The following KCNH5 variants were observed in gnomAD, a reference collection of about 807,000 sequenced individuals.
KCNH5 encodes potassium voltage-gated channel subfamily H member 5.
Under a neutral mutation model 96.1 loss-of-function variants are expected in KCNH5, and 46 were observed. That is an observed-to-expected ratio of 0.48 (90% confidence interval 0.38 to 0.61). The LOEUF (loss-of-function observed/expected upper bound fraction) is 0.61. KCNH5 is among the 20% of genes least tolerant of loss of function. KCNH5 has a pLI of 0.00. For synonymous variants in KCNH5, 439 were observed against 449.8 expected, an observed-to-expected ratio of 0.98 and a Z score of 0.30; for missense variants, 907 against 1,225.8, an observed-to-expected ratio of 0.74 and a Z score of 3.88.
chr14:62,888,834 G>T (rs548910736), intron 7 of KCNH5, among the ~76,000 whole-genome samples: 72 of 152,206 alleles, frequency 4.7e-4, no homozygotes, highest in African/African-American at 1.7e-3. Flanking sequence ...TCACAGAAAA[G>T]GTCACTGACC....
chr14:62,880,950 G>T (rs1365214224), intron 7 of KCNH5, among the ~76,000 whole-genome samples: 3 of 152,154 alleles, frequency 2.0e-5, no homozygotes, highest in Non-Finnish European at 4.4e-5. Context: ...GCTGATAAAT[G>T]GATCAGTCCT....
intron 8 of KCNH5, among the ~76,000 whole-genome samples, chr14:62,815,175 A>C (rs905189875): frequency 1.6e-4 from 24 of 152,170 alleles, no homozygotes; most frequent in African/African-American, 5.6e-4. Flanking sequence ...ACTGAAAAAG[A>C]GCTTGATACA....
chr14:62,837,448 C>T (rs190403461), intron 8 of KCNH5, among the ~76,000 whole-genome samples: 4 of 152,272 alleles, frequency 2.6e-5, no homozygotes, highest in Admixed American at 2.0e-4. Flanking sequence ...GTTAAACTTC[C>T]GGTCAGGCCT....
At chr14:62,968,441 C>CTTA (rs1174225438) in intron 6 of KCNH5, among the ~76,000 whole-genome samples, 2 of 152,136 alleles carry the variant, frequency 1.3e-5, no homozygotes, top group Non-Finnish European at 2.9e-5. Context: ...GAGGCTTAAC[C>CTTA]CTAGGGTAAT....
At chr14:63,043,296 AC>A (rs1891860898) in intron 1 of KCNH5, among the ~76,000 whole-genome samples, 1 of 152,148 alleles carries the variant, frequency 6.6e-6, no homozygotes, top group Non-Finnish European at 1.5e-5. Flanking sequence ...AGCAATCGTA[AC>A]CCTGCAGATT....
chr14:62,993,714 G>A (rs962730831), intron 4 of KCNH5, among the ~76,000 whole-genome samples: 1 of 152,022 alleles, frequency 6.6e-6, no homozygotes, highest in African/African-American at 2.4e-5. Flanking sequence ...AAAAAGTTGA[G>A]CTGCCATACT....
At chr14:62,991,486 A>C (rs1340592084) in intron 4 of KCNH5, among the ~76,000 whole-genome samples, 1 of 152,026 alleles carries the variant, frequency 6.6e-6, no homozygotes, top group Non-Finnish European at 1.5e-5. Flanking sequence ...AAAGACTTGG[A>C]AAGGATTCTT....
chr14:62,754,210 C>A (rs1037855940), intron 10 of KCNH5, among the ~76,000 whole-genome samples: 5 of 151,880 alleles, frequency 3.3e-5, no homozygotes, highest in African/African-American at 4.8e-5. Flanking sequence ...ATATATTATT[C>A]GCAAGCTTCA....
intron 10 of KCNH5, among the ~76,000 whole-genome samples, chr14:62,722,598 A>G (rs1411208674): frequency 1.3e-5 from 2 of 152,218 alleles, no homozygotes; most frequent in Non-Finnish European, 2.9e-5. Context: ...TTACTCATGA[A>G]TCACTAAAGT....
chr14:62,882,782 C>T (rs1213538331), intron 7 of KCNH5, among the ~76,000 whole-genome samples: 1 of 152,134 alleles, frequency 6.6e-6, no homozygotes, highest in African/African-American at 2.4e-5. Flanking sequence ...GAATTGGACA[C>T]AGATGCAAAT....
chr14:62,789,841 G>C (rs969707933), intron 9 of KCNH5, among the ~76,000 whole-genome samples: 1 of 151,892 alleles, frequency 6.6e-6, no homozygotes, highest in African/African-American at 2.4e-5. Flanking sequence ...ATATTTCCCA[G>C]TCTACAGGCT....
At chr14:62,858,515 C>T (rs950917521) in intron 7 of KCNH5, among the ~76,000 whole-genome samples, 1 of 152,200 alleles carries the variant, frequency 6.6e-6, no homozygotes, top group Admixed American at 6.5e-5. Context: ...CTGTATCTCC[C>T]TTCTTAGCCT....
At chr14:62,853,574 T>A (rs554225037) in intron 7 of KCNH5, among the ~76,000 whole-genome samples, 7 of 149,736 alleles carry the variant, frequency 4.7e-5, no homozygotes, top group Non-Finnish European at 1.0e-4. Context: ...TCCCTCTGCT[T>A]CAGTATACAT....
At chr14:62,860,305 T>G (rs1042079146) in intron 7 of KCNH5, among the ~76,000 whole-genome samples, 1 of 152,198 alleles carries the variant, frequency 6.6e-6, no homozygotes, top group Non-Finnish European at 1.5e-5. Context: ...CTATCTACCA[T>G]TGACACCTCA....
At chr14:63,007,608 T>G (rs1333067297) in intron 2 of KCNH5, among the ~76,000 whole-genome samples, 4 of 152,136 alleles carry the variant, frequency 2.6e-5, no homozygotes, top group Non-Finnish European at 5.9e-5. Flanking sequence ...CATCATAATT[T>G]TTATTGAGTA....
intron 9 of KCNH5, among the ~76,000 whole-genome samples, chr14:62,786,574 T>C (rs533667483): frequency 6.6e-6 from 1 of 152,316 alleles, no homozygotes; most frequent in East Asian, 1.9e-4. Flanking sequence ...AAAATTTGTA[T>C]TACAATACAG....
Position 62,774,082 on chromosome 14 carries a change from C to T in KCNH5, c.2019+5646G>A, listed in dbSNP as rs147904833. On this transcript the variant is annotated intron_variant, in intron 10 of 10. Transcript: ENST00000322893. ...ATCATATTCATGGTTATGACTATTG[C>T]AGCATAAGATACAAAGAAAATTTAG... Among the ~76,000 whole-genome samples, 258 of 152,184 alleles carry T rather than the reference C, an allele frequency of 1.7e-3. 2 individuals are homozygous for T. The highest frequency in any genetic ancestry group is 5.8e-3 in the African/African-American group (240 of 41,526).
At chr14:62,814,224 T>C (rs113288364) in intron 8 of KCNH5, among the ~76,000 whole-genome samples, 2,541 of 152,268 alleles carry the variant, frequency 0.017, 75 homozygotes, top group African/African-American at 0.058. Flanking sequence ...ACCAGGTTTT[T>C]CACAATATTA....
chr14:62,760,487 G>C (rs73271176), intron 10 of KCNH5, among the ~76,000 whole-genome samples: 4,340 of 152,260 alleles, frequency 0.029, 165 homozygotes, highest in East Asian at 0.097. Context: ...GCTTTTACTT[G>C]CAGCTTCCGT....
Sources: allele counts gnomAD v4.1 joint callset (sites outside exome capture counted in the v4.1 genomes callset), GRCh38; gene constraint gnomAD v4.1.1; transcripts MANE v1.5; gene names NCBI Gene and HGNC (gene_info 2026-07-23, HGNC 2026-07-21).